The following FLNB variants were observed in gnomAD, a reference collection of about 807,000 sequenced individuals.
FLNB encodes the protein filamin-B.
Under a neutral mutation model 250.6 loss-of-function variants are expected in FLNB, and 111 were observed. The ratio of observed to expected loss-of-function variants is 0.44; its 90% CI spans 0.38 to 0.52. The LOEUF (loss-of-function observed/expected upper bound fraction) is 0.52. Ranked by LOEUF, FLNB falls within the 20% of genes least tolerant of loss-of-function variation. FLNB has a pLI of 0.00. For missense variants in FLNB, 2,869 were observed against 3,447.8 expected (o/e 0.83, Z 4.20); for synonymous variants, 1,302 against 1,372.1 (o/e 0.95, Z 1.13).
intron 32 of FLNB, among the ~76,000 whole-genome samples, chr3:58,144,231 TG>T (rs943284439): frequency 7.9e-5 from 12 of 152,250 alleles, no homozygotes; most frequent in Non-Finnish European, 1.5e-4. Flanking sequence ...AATTTTTTTA[TG>T]TTCGATTTCA....
intron 1 of FLNB, among the ~76,000 whole-genome samples, chr3:58,074,193 G>A (rs1027842437): frequency 6.6e-5 from 10 of 152,156 alleles, no homozygotes; most frequent in African/African-American, 2.4e-4. Context: ...CATTACCTAC[G>A]AATTTATTGG....
At chr3:58,019,893 C>T (rs1469385452) in intron 1 of FLNB, among the ~76,000 whole-genome samples, 4 of 152,154 alleles carry the variant, frequency 2.6e-5, no homozygotes, top group South Asian at 4.1e-4. Flanking sequence ...GTAATGTCAC[C>T]GCAGGTGTGG....
chr3:58,031,602 A>G (rs1280302886), intron 1 of FLNB, among the ~76,000 whole-genome samples: 1 of 131,034 alleles, frequency 7.6e-6, no homozygotes, highest in Non-Finnish European at 1.5e-5. Context: ...GCCAGGCTGC[A>G]GTGCAGTGGC....
At chr3:58,082,441 G>A (rs2097210515) in intron 4 of FLNB, among the ~76,000 whole-genome samples, 1 of 152,026 alleles carries the variant, frequency 6.6e-6, no homozygotes, top group South Asian at 2.1e-4. Context: ...TATGGGGGAG[G>A]GGAAGGAGTG....
At chr3:58,122,186 AAC>A (rs1559709060) in intron 20 of FLNB, among the ~76,000 whole-genome samples, 3 of 146,430 alleles carry the variant, frequency 2.0e-5, no homozygotes, top group Non-Finnish European at 3.0e-5. Context: ...AAAAAAAAAA[AAC>A]CACAAAAAAA....
chr3:58,123,724 AAAG>A, intron 21 of FLNB, 34 bp downstream of exon 21: 1 of 1,492,218 alleles, frequency 6.7e-7, no homozygotes, highest in East Asian at 2.3e-5. Context: ...AAAAAAAAAA[AAAG>A]ACAAGCTGGG....
intron 31 of FLNB, 123 bp from the exon 32 acceptor site, chr3:58,143,350 A>T: frequency 1.0e-6 from 1 of 981,894 alleles, no homozygotes; most frequent in Non-Finnish European, 1.6e-6. Flanking sequence ...TGAATGTTTT[A>T]GGCAGCAACG....
chr3:58,122,408 G>A (rs2097290566), intron 20 of FLNB, among the ~76,000 whole-genome samples: 1 of 150,784 alleles, frequency 6.6e-6, no homozygotes, highest in Non-Finnish European at 1.5e-5. Context: ...TGGGATAATC[G>A]CTTGAACCTG....
chr3:58,135,288 C>T (rs1474695292), intron 27 of FLNB, among the ~76,000 whole-genome samples: 1 of 152,112 alleles, frequency 6.6e-6, no homozygotes, highest in Admixed American at 6.5e-5. Flanking sequence ...TTAAGGAACC[C>T]CAGGCTAAGC....
At chr3:58,034,924 G>A (rs1297313135) in intron 1 of FLNB, among the ~76,000 whole-genome samples, 17 of 152,160 alleles carry the variant, frequency 1.1e-4, no homozygotes, top group Admixed American at 1.1e-3. Context: ...ACTGTGATTG[G>A]ACCAGCCTAT....
In FLNB at chr3:58,078,761, G is replaced by T; in HGVS notation, c.586G>T (p.Asp196Tyr). The change falls in exon 3 of 46, where the codon GAT becomes TAT. Residue 196 changes from aspartate to tyrosine, a missense_variant. Coordinates refer to ENST00000295956, the MANE Select transcript of FLNB (RefSeq NM_001457.4). ...WESWDPQKPV[D>Y]NAREAMQQAD... ...ATCCTGGGACCCGCAGAAGCCTGTGGATAATGCACGAGAAGCCATGCAGCA... is the reference window on the plus strand; with the variant it reads ...ATCCTGGGACCCGCAGAAGCCTGTGTATAATGCACGAGAAGCCATGCAGCA... 1 of 1,613,984 alleles carries T rather than the reference G, an allele frequency of 6.2e-7. No individual in the cohort carries two copies. The highest frequency in any genetic ancestry group is 8.5e-7 in the Non-Finnish European group (1 of 1,179,964).
rs1426636486 is a variant in FLNB at position 58,142,122 on chromosome 3, C to T, written c.5181+193C>T. Among the ~76,000 whole-genome samples the T allele has an allele frequency of 6.6e-6, 1 of 152,174 alleles. No homozygotes were observed. The highest frequency in any genetic ancestry group is 1.5e-5 in the Non-Finnish European group (1 of 68,032). On this transcript the variant is annotated intron_variant, in intron 30 of 45. Coordinates refer to ENST00000295956, the MANE Select transcript of FLNB (RefSeq NM_001457.4). This position sits in a 1 kb window ranked among gnomAD's most constrained non-coding sequence, Gnocchi z 4.3. ...GATCACCTTTGCGTCACCATCCGTG[C>T]TCCACGAATCGCCAGCCGTCGTGTC... is the stretch of plus-strand genomic sequence containing the variant.
intron 1 of FLNB, among the ~76,000 whole-genome samples, chr3:58,036,407 G>A (rs1213165621): frequency 6.6e-6 from 1 of 152,154 alleles, no homozygotes; most frequent in Non-Finnish European, 1.5e-5. Context: ...TCAGGAAGTG[G>A]GGAGTGCTGA....
At chr3:58,149,040 T>C (rs2097340582) in intron 36 of FLNB, among the ~76,000 whole-genome samples, 188 bp downstream of exon 36, 1 of 152,224 alleles carries the variant, frequency 6.6e-6, no homozygotes, top group African/African-American at 2.4e-5. Context: ...CTTTGTTTTT[T>C]AGATGATGAA....
At chr3:58,150,289 C>T in intron 38 of FLNB, 62 bp downstream of exon 38, 1 of 1,603,166 alleles carries the variant, frequency 6.2e-7, no homozygotes, top group Admixed American at 1.7e-5. Context: ...GCAGTGGGTG[C>T]CTTTGGGAAC....
intron 21 of FLNB, 69 bp from the exon 22 acceptor site, chr3:58,124,263 C>T: frequency 1.9e-6 from 3 of 1,559,102 alleles, no homozygotes; most frequent in Admixed American, 1.7e-5. Context: ...TGCCAAGAAC[C>T]TTGGTTCTGG....
intron 42 of FLNB, among the ~76,000 whole-genome samples, chr3:58,161,241 T>C (rs1229373946): frequency 2.0e-5 from 3 of 152,104 alleles, no homozygotes; most frequent in Non-Finnish European, 4.4e-5. Context: ...AGAGAATCCA[T>C]TCCAAAATGT....
intron 1 of FLNB, among the ~76,000 whole-genome samples, chr3:58,033,749 T>G (rs1215539968): frequency 1.3e-5 from 2 of 152,260 alleles, no homozygotes; most frequent in Admixed American, 1.3e-4. Context: ...TTCATCCTTG[T>G]TGCATGTGTC....
rs764190111 is a variant in FLNB, at chr3:58,031,543, C to CTTTTTTTTTTTTT, written c.292+22700_292+22712dup. ...ACAGACGTGAGCCACCGTGCCCTGC[C>CTTTTTTTTTTTTT]TTTTTTTTTTTTTTTTTTTTTTTTT... On this transcript the variant is annotated intron_variant, in intron 1 of 45. Coordinates refer to ENST00000295956, the MANE Select transcript of FLNB (RefSeq NM_001457.4). Among the ~76,000 whole-genome samples, 2 of 77,144 alleles carry CTTTTTTTTTTTTT rather than the reference C, an allele frequency of 2.6e-5. 1 individual carries two copies. The highest frequency in any genetic ancestry group is 1.4e-3 in the South Asian group (2 of 1,434). 50.6% of individuals were successfully genotyped at this position (77,144 alleles called of 152,430 possible).
Sources: allele counts gnomAD v4.1 joint callset (sites outside exome capture counted in the v4.1 genomes callset), GRCh38; gene constraint gnomAD v4.1.1; non-coding constraint Gnocchi (gnomAD v3.1); transcripts MANE v1.5; gene names NCBI Gene and HGNC (gene_info 2026-07-23, HGNC 2026-07-21).